The following ITPR1 variants were observed in gnomAD, a reference collection of about 807,000 sequenced individuals.
The protein encoded by ITPR1 is inositol 1,4,5-trisphosphate receptor type 1.
Under a neutral mutation model 318.4 loss-of-function variants are expected in ITPR1, and 96 were observed. That is an observed-to-expected ratio of 0.30 (90% CI 0.26 to 0.36). The LOEUF is 0.36. ITPR1 is among the 10% of genes least tolerant of loss of function. The probability of loss-of-function intolerance (pLI) is 1.00; values close to 1 mark genes in which losing one functional copy is unlikely to be tolerated. For missense variants in ITPR1, 2,440 were observed against 3,460.2 expected, an observed-to-expected ratio of 0.71 and a Z score of 7.40; for synonymous variants, 1,312 against 1,289.9, an observed-to-expected ratio of 1.02 and a Z score of -0.37.
intron 4 of ITPR1, among the ~76,000 whole-genome samples, chr3:4,571,022 C>T (rs2087919958): frequency 6.6e-6 from 1 of 152,198 alleles, no homozygotes; most frequent in Non-Finnish European, 1.5e-5. Flanking sequence ...CTCCATCTGT[C>T]TCTCATTCTT....
chr3:4,538,247 A>G (rs2084061929), intron 4 of ITPR1, among the ~76,000 whole-genome samples: 1 of 152,244 alleles, frequency 6.6e-6, no homozygotes, highest in South Asian at 2.1e-4. Flanking sequence ...GGACATGAAC[A>G]GACACTTCTC....
intron 60 of ITPR1, among the ~76,000 whole-genome samples, chr3:4,834,605 GT>G (rs2050758790): frequency 6.6e-6 from 1 of 152,118 alleles, no homozygotes; most frequent in African/African-American, 2.4e-5. Context: ...GAAAAATGAG[GT>G]TTCCTCCTCA....
rs374367562 is a variant in ITPR1, at chr3:4,837,817, T to C, written c.8190+882T>C. On this transcript the variant is annotated intron_variant, in intron 61 of 61. Transcript: ENST00000649015. ...ACCCTGGGTGGTGAGAAGACCCTGA[T>C]TGGTTTTATTAGTGCATTTCTGTAA... Among the ~76,000 whole-genome samples, 10 of 152,294 alleles carry C rather than the reference T, an allele frequency of 6.6e-5. No homozygotes were observed. The East Asian group carries it at 1.4e-3, about 21-fold the overall frequency.
chr3:4,787,072 T>C lies in ITPR1; in HGVS notation c.6616-875T>C, dbSNP rs1575245218. On this transcript the variant is annotated intron_variant, in intron 51 of 61. Coordinates refer to ENST00000649015, the MANE Select transcript of ITPR1 (RefSeq NM_001378452.1). ...TAAATATTCTGCCTCTCAGTTGCAC[T>C]AGCCACAGGTGTTAGTGATTGGGGC... Among the ~76,000 whole-genome samples, 3 of 152,236 alleles carry C rather than the reference T, an allele frequency of 2.0e-5. No homozygotes were observed. The East Asian group carries it at 5.8e-4, about 29-fold the overall frequency.
At position 4,847,452 on chromosome 3, in the gene ITPR1, A is replaced by AGTT. The variant is rs1228857184; in HGVS notation, c.*1228_*1230dup. 1 of 152,194 alleles carries AGTT rather than the reference A, an allele frequency of 6.6e-6. No homozygotes were observed. Among genetic ancestry groups the AGTT allele is most frequent in the Non-Finnish European group, 1.5e-5 (1 of 68,002 alleles). The allele number at this position is 152,194 out of a possible 1,614,324, so 9.4% of individuals were successfully genotyped here. A position where few individuals can be genotyped will look rare whatever the true frequency, so the allele number is the denominator to read the frequency against. ...GAAAGCAGAGTTCTGAAATGAGTAA[A>AGTT]GTTTGTAAATGCATATATAAAAATA... On this transcript the variant is annotated 3_prime_UTR_variant, in exon 62 of 62. Transcript: ENST00000649015.
intron 4 of ITPR1, among the ~76,000 whole-genome samples, chr3:4,534,461 A>G (rs1307825619): frequency 1.3e-5 from 2 of 152,218 alleles, no homozygotes; most frequent in Non-Finnish European, 2.9e-5. Context: ...TTTGGGAGAG[A>G]TAAGTGGAGA....
chr3:4,767,022 T>C (rs2045861630), intron 45 of ITPR1, among the ~76,000 whole-genome samples: 1 of 152,260 alleles, frequency 6.6e-6, no homozygotes, highest in South Asian at 2.1e-4. Context: ...GAAATACGTA[T>C]TTTAAAACTG....
At chr3:4,596,803 G>A (rs1398800241) in intron 4 of ITPR1, among the ~76,000 whole-genome samples, 3 of 152,148 alleles carry the variant, frequency 2.0e-5, no homozygotes, top group Admixed American at 1.3e-4. Context: ...ATTATATAGG[G>A]CAAGCCAGAT....
At chr3:4,794,557 G>T (rs2047772277) in intron 52 of ITPR1, among the ~76,000 whole-genome samples, 1 of 152,224 alleles carries the variant, frequency 6.6e-6, no homozygotes, top group Non-Finnish European at 1.5e-5. Flanking sequence ...TGTTGAGCCA[G>T]AGAGGAATGT....
At position 4,783,908 on chromosome 3, in the gene ITPR1, G is replaced by T; in HGVS notation, c.6603G>T (p.Thr2201=). The T allele has an allele frequency of 6.2e-7, 1 of 1,604,376 alleles. No homozygotes were observed. The highest frequency in any genetic ancestry group is 8.5e-7 in the Non-Finnish European group (1 of 1,175,312). ...CCCTGGAGTTTTATGCCAAGCACAC[G>T]GCGCAGATAGAGGTAAAAGCTGAGT... is the stretch of plus-strand genomic sequence containing the variant. ...DEALEFYAKH[T]AQIEIVRLDR... Residue 2201 remains threonine, a synonymous_variant, in exon 51 of 62, where the codon ACG becomes ACT. Transcript: ENST00000649015.
chr3:4,693,358 G>C, intron 32 of ITPR1, 132 bp from the exon 33 acceptor site: 3 of 1,001,770 alleles, frequency 3.0e-6, no homozygotes, highest in Non-Finnish European at 3.0e-6. Flanking sequence ...AATGAATGAA[G>C]TCAAAATAGG....
intron 4 of ITPR1, among the ~76,000 whole-genome samples, chr3:4,599,724 C>A (rs1349517303): frequency 6.6e-6 from 1 of 152,194 alleles, no homozygotes; most frequent in African/African-American, 2.4e-5. Context: ...ACAGTGGCTG[C>A]TGTTTTTGCA....
Position 4,735,063 on chromosome 3 carries a change from G to C in ITPR1, c.5354-101G>C, listed in dbSNP as rs577157164. The C allele has an allele frequency of 2.7e-4, 233 of 851,278 alleles. 3 individuals are homozygous for C. The South Asian group carries it at 3.8e-3, about 14-fold the overall frequency. The allele number at this position is 851,278 out of a possible 1,614,324, so 52.7% of individuals were successfully genotyped here. A position where few individuals can be genotyped will look rare whatever the true frequency, so the allele number is the denominator to read the frequency against. On this transcript the variant is annotated intron_variant, in intron 43 of 61. Transcript: ENST00000649015. ...AAAAGGGTTAAAAGAGATGAACATG[G>C]GTAAAGCATTTAGTGCATAAAGTGT...
chr3:4,617,141 C>A (rs2092419133), intron 4 of ITPR1, among the ~76,000 whole-genome samples: 1 of 152,068 alleles, frequency 6.6e-6, no homozygotes. Flanking sequence ...ACAGTAGTGG[C>A]CCCAGTGTGA....
In ITPR1 at chr3:4,665,087, G is replaced by C; in HGVS notation, c.1555-51G>C. 1.9e-6 allele frequency: 3 copies of C among 1,599,328 alleles called. No individual in the cohort carries two copies. In the South Asian group the frequency reaches 3.3e-5, roughly 18 times the overall value. The stretch of plus-strand genomic sequence containing the variant: ...TGCATTACTTCCAAACAGAGGGTTA[G>C]CTTTGAAGCCCTAAGTGATTGCCAT... On this transcript the variant is annotated intron_variant, in intron 16 of 61. Coordinates refer to ENST00000649015, the MANE Select transcript of ITPR1 (RefSeq NM_001378452.1).
At position 4,779,791 on chromosome 3, in the gene ITPR1, G is replaced by A; in HGVS notation, c.6387+146G>A. On this transcript the variant is annotated intron_variant, in intron 49 of 61. Coordinates refer to ENST00000649015, the MANE Select transcript of ITPR1 (RefSeq NM_001378452.1). The surrounding 1 kb of genome is among the most constrained non-coding windows in gnomAD (Gnocchi z 4.0). ...GAACATTGAATTCAGGCCTCTGACT[G>A]AGTAGAGAAGTGAAATATTTTGGTT... 1 of 480,414 alleles carries A rather than the reference G, an allele frequency of 2.1e-6. No individual in the cohort carries two copies. The highest frequency in any genetic ancestry group is 3.8e-6 in the Non-Finnish European group (1 of 263,510). The allele number at this position is 480,414 out of a possible 1,614,324, so 29.8% of individuals were successfully genotyped here.
chr3:4,711,210 C>CAAAAAA (rs1169754547), intron 38 of ITPR1, among the ~76,000 whole-genome samples: 8 of 57,910 alleles, frequency 1.4e-4, no homozygotes, highest in African/African-American at 4.4e-4. Flanking sequence ...GACCTTGTCT[C>CAAAAAA]AAAAAAAAAA....
At chr3:4,691,468 G>T in intron 32 of ITPR1, 124 bp downstream of exon 32, 1 of 650,260 alleles carries the variant, frequency 1.5e-6, no homozygotes, top group South Asian at 2.0e-5. Context: ...GAAAGTAATT[G>T]TGTGTGCATA....
Position 4,730,419 on chromosome 3 carries a change from G to GTGTGTGTGTT in ITPR1, c.5221-2668_5221-2667insGTGTGTGTTT, listed in dbSNP as rs1553715707. ...TGTGTGTGTGTGTGTGTGTGTGTGT[G>GTGTGTGTGTT]TTTCCCCCAGAATGAGCACATTTCA... On this transcript the variant is annotated intron_variant, in intron 42 of 61. Coordinates refer to ENST00000649015, the MANE Select transcript of ITPR1 (RefSeq NM_001378452.1). 6.2e-4 allele frequency among the ~76,000 whole-genome samples: 66 copies of GTGTGTGTGTT among 105,738 alleles called. 3 individuals carry two copies. The highest frequency in any genetic ancestry group is 1.4e-3 in the East Asian group (3 of 2,164). 69.4% of individuals were successfully genotyped at this position (105,738 alleles called of 152,430 possible). A position where few individuals can be genotyped will look rare whatever the true frequency, so the allele number is the denominator to read the frequency against.
Sources: gnomAD v4.1 joint callset for allele counts (sites outside exome capture counted in the v4.1 genomes callset) on GRCh38, gnomAD v4.1.1 for gene constraint, Gnocchi (gnomAD v3.1) non-coding constraint, MANE v1.5 for transcripts, NCBI Gene and HGNC (gene_info 2026-07-23, HGNC 2026-07-21) for gene names.